DPP10: variants seen among roughly 807,000 people sequenced by gnomAD.
The protein encoded by DPP10 is inactive dipeptidyl peptidase 10.
A neutral mutation model predicts 120.9 loss-of-function variants in DPP10; 33 were observed. The ratio of observed to expected loss-of-function variants is 0.27; its 90% CI spans 0.21 to 0.37. The LOEUF (loss-of-function observed/expected upper bound fraction) is 0.37. Ranked by LOEUF, DPP10 falls within the 10% of genes least tolerant of loss-of-function variation. The pLI, the probability that DPP10 is intolerant of heterozygous loss-of-function variation, is 1.00. For missense variants in DPP10, 816 were observed against 942.8 expected, an observed-to-expected ratio of 0.87 and a Z score of 1.76; for synonymous variants, 337 against 326.1, an observed-to-expected ratio of 1.03 and a Z score of -0.36.
At chr2:115,107,074 C>CA (rs1356741088) in intron 1 of DPP10, among the ~76,000 whole-genome samples, 1,265 of 81,088 alleles carry the variant, frequency 0.016, 11 homozygotes, top group African/African-American at 0.043. Context: ...GGCTCTGTCT[C>CA]AAAAAAAAAA....
intron 1 of DPP10, among the ~76,000 whole-genome samples, chr2:114,853,044 G>T (rs77252552): frequency 6.6e-6 from 1 of 152,064 alleles, no homozygotes; most frequent in African/African-American, 2.4e-5. Flanking sequence ...TAAAAGTAAG[G>T]TATGTTGAGC....
intron 1 of DPP10, among the ~76,000 whole-genome samples, chr2:115,092,155 A>T (rs550143568): frequency 1.3e-5 from 2 of 152,214 alleles, no homozygotes; most frequent in African/African-American, 4.8e-5. Flanking sequence ...GTGCTAGTTC[A>T]TCACACTAAT....
intron 1 of DPP10, among the ~76,000 whole-genome samples, chr2:115,039,693 C>G (rs1284267998): frequency 6.6e-6 from 1 of 152,172 alleles, no homozygotes; most frequent in Admixed American, 6.5e-5. Flanking sequence ...AAAAATTATT[C>G]CTAGGTTTTT....
chr2:114,504,292 C>T (rs1450003943), intron 1 of DPP10, among the ~76,000 whole-genome samples: 2 of 152,132 alleles, frequency 1.3e-5, no homozygotes, highest in South Asian at 2.1e-4. Flanking sequence ...TTAAACATTA[C>T]TTTTGTTTGT....
intron 5 of DPP10, among the ~76,000 whole-genome samples, chr2:115,556,213 C>T (rs1320297788): frequency 6.6e-6 from 1 of 151,704 alleles, no homozygotes; most frequent in Non-Finnish European, 1.5e-5. Context: ...ACTCCGAATA[C>T]AAATATTGAA....
chr2:115,531,662 A>G (rs2078472761), intron 5 of DPP10, among the ~76,000 whole-genome samples: 1 of 152,086 alleles, frequency 6.6e-6, no homozygotes, highest in Admixed American at 6.6e-5. Context: ...ATCCATATTA[A>G]AATTTGTATT....
intron 1 of DPP10, among the ~76,000 whole-genome samples, chr2:115,072,246 T>C (rs578163303): frequency 1.4e-4 from 22 of 152,282 alleles, no homozygotes; most frequent in African/African-American, 5.3e-4. Context: ...ACAATCAGAC[T>C]AAGCCAAGCA....
intron 1 of DPP10, among the ~76,000 whole-genome samples, chr2:114,694,976 A>C (rs1699983826): frequency 1.3e-5 from 2 of 152,042 alleles, no homozygotes; most frequent in South Asian, 4.1e-4. Context: ...GGAGTAAAAA[A>C]TCTCAGCTAG....
intron 1 of DPP10, among the ~76,000 whole-genome samples, chr2:114,900,537 T>A (rs1693473543): frequency 6.6e-6 from 1 of 152,240 alleles, no homozygotes; most frequent in South Asian, 2.1e-4. Flanking sequence ...AAGTCTTTGC[T>A]CTTTTTTGAC....
chr2:115,271,096 C>A (rs2059682028), intron 1 of DPP10, among the ~76,000 whole-genome samples: 1 of 152,094 alleles, frequency 6.6e-6, no homozygotes, highest in African/African-American at 2.4e-5. Context: ...GTTTTTGCAG[C>A]TTAAAGGGAA....
chr2:115,054,911 C>CA (rs1359545155), intron 1 of DPP10, among the ~76,000 whole-genome samples: 1 of 152,030 alleles, frequency 6.6e-6, no homozygotes, highest in Admixed American at 6.6e-5. Context: ...GACTCTGTCT[C>CA]AAAAAACGAA....
At chr2:115,118,320 C>T (rs1441588902) in intron 1 of DPP10, among the ~76,000 whole-genome samples, 2 of 152,210 alleles carry the variant, frequency 1.3e-5, no homozygotes, top group African/African-American at 2.4e-5. Flanking sequence ...TAATTTCTAT[C>T]ACTATCGACC....
rs540009065 is a variant in DPP10 at position 115,092,574 on chromosome 2, C to T, written c.61-216665C>T. 5.9e-5 allele frequency among the ~76,000 whole-genome samples: 9 copies of T among 151,954 alleles called. No individual in the cohort carries two copies. In the South Asian group the frequency reaches 1.7e-3, roughly 28 times the overall value. ...CAGCTTTTTGTTTTGATTTTCAGAA[C>T]TTGATTTCAATATATATATATGAAA... On this transcript the variant is annotated intron_variant, in intron 1 of 25. Coordinates refer to ENST00000410059, the MANE Select transcript of DPP10 (RefSeq NM_020868.6).
intron 5 of DPP10, among the ~76,000 whole-genome samples, chr2:115,543,059 C>T (rs2079270587): frequency 6.6e-6 from 1 of 151,914 alleles, no homozygotes; most frequent in South Asian, 2.1e-4. Flanking sequence ...TACTTTTCAT[C>T]ATCCATGATT....
At chr2:115,026,375 A>G (rs1272132439) in intron 1 of DPP10, among the ~76,000 whole-genome samples, 2 of 152,030 alleles carry the variant, frequency 1.3e-5, no homozygotes, top group Non-Finnish European at 2.9e-5. Context: ...CCATTGGTCT[A>G]TGTATCTGTT....
intron 1 of DPP10, among the ~76,000 whole-genome samples, chr2:114,836,264 G>A (rs900599182): frequency 6.6e-6 from 1 of 152,108 alleles, no homozygotes; most frequent in Admixed American, 6.5e-5. Flanking sequence ...TTATTTATCA[G>A]GGGAAATTCA....
intron 2 of DPP10, among the ~76,000 whole-genome samples, chr2:115,334,228 C>CTTTTTTTTTTTTT (rs1393213758): frequency 9.0e-5 from 2 of 22,320 alleles, no homozygotes; most frequent in Non-Finnish European, 1.3e-4. Context: ...AGAGCAGACT[C>CTTTTTTTTTTTTT]TGTTTTTTTT....
At chr2:114,801,575 G>A (rs2106283171) in intron 1 of DPP10, among the ~76,000 whole-genome samples, 1 of 152,264 alleles carries the variant, frequency 6.6e-6, no homozygotes, top group East Asian at 1.9e-4. Flanking sequence ...CATCATTGAA[G>A]TTTATTGTGA....
chr2:114,679,301 A>G (rs540179676), intron 1 of DPP10, among the ~76,000 whole-genome samples: 5 of 152,098 alleles, frequency 3.3e-5, no homozygotes, highest in Non-Finnish European at 5.9e-5. Flanking sequence ...TCCAGAAAGA[A>G]TGATAATTTA....
Sources: allele counts gnomAD v4.1 joint callset (sites outside exome capture counted in the v4.1 genomes callset), GRCh38; gene constraint gnomAD v4.1.1; transcripts MANE v1.5; gene names NCBI Gene and HGNC (gene_info 2026-07-23, HGNC 2026-07-21).